Variants in CACNA1C observed in about 807,000 individuals in gnomAD.
CACNA1C encodes calcium voltage-gated channel subunit alpha1 C.
A neutral mutation model predicts 229.0 loss-of-function variants in CACNA1C; 30 were observed. The ratio of observed to expected loss-of-function variants is 0.13; its 90% CI spans 0.10 to 0.18. The LOEUF (loss-of-function observed/expected upper bound fraction) is 0.18. Among genes scored for constraint, CACNA1C ranks in the 10% least tolerant of loss-of-function variants. The probability of loss-of-function intolerance (pLI) is 1.00; values close to 1 mark genes in which losing one functional copy is unlikely to be tolerated. For missense variants in CACNA1C, 1,658 were observed against 2,845.0 expected, an observed-to-expected ratio of 0.58 and a Z score of 9.49; for synonymous variants, 1,114 against 1,132.5, an observed-to-expected ratio of 0.98 and a Z score of 0.33.
intron 6 of CACNA1C, among the ~76,000 whole-genome samples, chr12:2,487,652 T>C (rs115651767): frequency 0.01 from 1,591 of 151,982 alleles, 26 homozygotes; most frequent in African/African-American, 0.037. Context: ...ATTTCCAAAT[T>C]ACTTGGGTCA....
At chr12:2,106,708 G>A (rs2078907063) in intron 1 of CACNA1C, among the ~76,000 whole-genome samples, 1 of 117,168 alleles carries the variant, frequency 8.5e-6, no homozygotes, top group Admixed American at 8.4e-5. Context: ...CCCCGGGGAG[G>A]GTTTCCACCT....
chr12:2,457,830 T>C, intron 5 of CACNA1C, 124 bp downstream of exon 5: 1 of 939,324 alleles, frequency 1.1e-6, no homozygotes, highest in South Asian at 3.2e-5. Context: ...GTTTTTGTTT[T>C]TGTTTTAAAA....
At position 2,667,607 on chromosome 12, in the gene CACNA1C, A is replaced by AAAAT. The variant is rs577264452; in HGVS notation, c.4623+830_4623+833dup. Among the ~76,000 whole-genome samples, 37 of 152,380 alleles carry AAAAT rather than the reference A, an allele frequency of 2.4e-4. No homozygotes were observed. The East Asian group carries it at 6.7e-3, about 28-fold the overall frequency. ...CATAGAAAATATCAGAAAAGAGCAT[A>AAAAT]AAATAAATGCAAGGTACAAACACCA... On this transcript the variant is annotated intron_variant, in intron 37 of 46. Coordinates refer to ENST00000399655, the MANE Select transcript of CACNA1C (RefSeq NM_000719.7).
chr12:2,536,321 C>A (rs2099855158), intron 9 of CACNA1C, among the ~76,000 whole-genome samples: 1 of 152,196 alleles, frequency 6.6e-6, no homozygotes, highest in Non-Finnish European at 1.5e-5. Context: ...ACTCTGACTT[C>A]CGTACAGGAG....
chr12:2,593,312 C>T lies in CACNA1C; in HGVS notation c.2630C>T (p.Ala877Val). ...GAAAAGGCAGTGCCCATGCCAGAAG[C>T]CAGCGCGTTTTTCATCTTCAGCTCT... ...LKEKAVPMPE[A>V]SAFFIFSSNN... The change falls in exon 19 of 47, where the codon GCC becomes GTC. Residue 877 changes from alanine (A) to valine (V), a missense_variant. Physicochemically the swap from Ala to Val is moderately conservative, Grantham distance 64. Around this residue, in one of 20 missense-constraint regions of CACNA1C, gnomAD observed 52 missense variants for 99.0 expected, o/e 0.53. Transcript: ENST00000399655. 1 of 1,613,866 alleles carries T rather than the reference C, an allele frequency of 6.2e-7. No individual in the cohort carries two copies. Among genetic ancestry groups the T allele is most frequent in the Non-Finnish European group, 8.5e-7 (1 of 1,179,852 alleles).
In CACNA1C at chr12:2,528,402, T is replaced by G. The variant is rs1008706793; in HGVS notation, c.1390+15418T>G. On this transcript the variant is annotated intron_variant, in intron 9 of 46. Transcript: ENST00000399655. ...GACCCCAGAGGAATTCAGTTGATTC[T>G]AGCTTCTTAAGTCCTCAGACTCCTG... Among the ~76,000 whole-genome samples, 57 of 152,240 alleles carry G rather than the reference T, an allele frequency of 3.7e-4. 1 individual carries two copies. Among genetic ancestry groups the G allele is most frequent in the Admixed American group, 1.2e-3 (19 of 15,284 alleles).
intron 3 of CACNA1C, 68 bp from the exon 4 acceptor site, chr12:2,448,908 G>C (rs2099327088): frequency 7.4e-7 from 1 of 1,354,606 alleles, no homozygotes; most frequent in Admixed American, 2.0e-5. Context: ...GAGATCTACT[G>C]GTTCCAAACT....
In CACNA1C at chr12:2,550,149, C is replaced by T. The variant is rs1229164075; in HGVS notation, c.1481+116C>T. 7.6e-6 allele frequency: 6 copies of T among 785,586 alleles called. No homozygotes were observed. The East Asian group carries it at 8.0e-5, about 11-fold the overall frequency. The allele number at this position is 785,586 out of a possible 1,614,324, so 48.7% of individuals were successfully genotyped here. On this transcript the variant is annotated intron_variant, in intron 10 of 46. Transcript: ENST00000399655. ...CACTAGGAAGGGCAGAGATTAGAGCCGGTGGCAAGAAACAAACCTCAGGTG... is the reference window on the plus strand; with the variant it reads ...CACTAGGAAGGGCAGAGATTAGAGCTGGTGGCAAGAAACAAACCTCAGGTG...
In CACNA1C at chr12:2,678,563, T is replaced by C. The variant is rs1470130046; in HGVS notation, c.5091+696T>C. Among the ~76,000 whole-genome samples, 3 of 152,368 alleles carry C rather than the reference T, an allele frequency of 2.0e-5. No homozygotes were observed. In the South Asian group the frequency reaches 6.2e-4, roughly 32 times the overall value. ...AGGGAGAAGCTGCCAGCCATAATTG[T>C]GCAGGACCCTGCTCACACCGCTCTC... On this transcript the variant is annotated intron_variant, in intron 41 of 46. Coordinates refer to ENST00000399655, the MANE Select transcript of CACNA1C (RefSeq NM_000719.7). This position sits in a 1 kb window ranked among gnomAD's most constrained non-coding sequence, Gnocchi z 4.1.
intron 3 of CACNA1C, among the ~76,000 whole-genome samples, chr12:2,190,084 T>C (rs931494963): frequency 6.6e-6 from 1 of 152,154 alleles, no homozygotes; most frequent in South Asian, 2.1e-4. Flanking sequence ...GCACTAAAAA[T>C]GAGATGATGT....
chr12:2,476,431 A>T (rs916389550), intron 5 of CACNA1C, among the ~76,000 whole-genome samples: 4 of 152,204 alleles, frequency 2.6e-5, no homozygotes, highest in African/African-American at 9.6e-5. Context: ...CATTTCTTTT[A>T]TCTGTATTAA....
At chr12:2,212,302 A>C (rs183426955) in intron 3 of CACNA1C, among the ~76,000 whole-genome samples, 2 of 152,360 alleles carry the variant, frequency 1.3e-5, no homozygotes. Context: ...GTGTGGTTGC[A>C]AGGAAAGAAA....
chr12:2,117,013 A>G (rs2154140157), intron 2 of CACNA1C, among the ~76,000 whole-genome samples: 1 of 152,370 alleles, frequency 6.6e-6, no homozygotes, highest in East Asian at 1.9e-4. Context: ...TCACGCCTGT[A>G]ATCCCAGCAC....
Position 2,551,331 on chromosome 12 carries a change from TC to T in CACNA1C, c.1481+1303del, listed in dbSNP as rs904254017. On this transcript the variant is annotated intron_variant, in intron 10 of 46. Coordinates refer to ENST00000399655, the MANE Select transcript of CACNA1C (RefSeq NM_000719.7). ...CTCTGTTAGGAAGGAAACATGATATTCCCCCACGGATGGAGCCTGGCAGTCT... is the reference window on the plus strand; with the variant it reads ...CTCTGTTAGGAAGGAAACATGATATTCCCCACGGATGGAGCCTGGCAGTCT... Among the ~76,000 whole-genome samples the T allele has an allele frequency of 2.0e-5, 3 of 152,208 alleles. 1 individual carries two copies.
chr12:2,521,724 C>T (rs2099810351), intron 9 of CACNA1C, among the ~76,000 whole-genome samples: 1 of 152,088 alleles, frequency 6.6e-6, no homozygotes, highest in Non-Finnish European at 1.5e-5. Flanking sequence ...TTCGCTTGGA[C>T]TTCTCACTCC....
intron 3 of CACNA1C, among the ~76,000 whole-genome samples, chr12:2,232,227 G>GTTTTTTTTTTTTTTTTTT (rs1169407536): frequency 5.0e-4 from 37 of 73,546 alleles, no homozygotes; most frequent in Non-Finnish European, 6.0e-4. Flanking sequence ...GTCTTTCCTT[G>GTTTTTTTTTTTTTTTTTT]TTTTTTTTTT....
At chr12:2,680,458 C>T in intron 42 of CACNA1C, 1 of 1,563,392 alleles carries the variant, frequency 6.4e-7, no homozygotes, top group Non-Finnish European at 8.7e-7. Context: ...CTCCAGGGTT[C>T]CCTGGCGGGG....
chr12:2,213,309 T>C (rs189518101), intron 3 of CACNA1C, among the ~76,000 whole-genome samples: 1 of 152,246 alleles, frequency 6.6e-6, no homozygotes, highest in African/African-American at 2.4e-5. Context: ...CTTTCTCTGG[T>C]GCTGCTTGTT....
intron 39 of CACNA1C, 146 bp downstream of exon 39, chr12:2,674,788 G>GAAGGCAGA: frequency 1.3e-6 from 1 of 762,310 alleles, no homozygotes; most frequent in Non-Finnish European, 2.1e-6. Flanking sequence ...CTGGAGGTCT[G>GAAGGCAGA]CCTTCAGACC....
Sources: allele counts gnomAD v4.1 joint callset (sites outside exome capture counted in the v4.1 genomes callset), GRCh38; gene constraint gnomAD v4.1.1; regional missense constraint gnomAD v4.1.1; non-coding constraint Gnocchi (gnomAD v3.1); transcripts MANE v1.5; gene names NCBI Gene and HGNC (gene_info 2026-07-23, HGNC 2026-07-21).